TSHZ2: variants seen among roughly 807,000 people sequenced by gnomAD.
The protein encoded by TSHZ2 is teashirt zinc finger homeobox 2, also known as teashirt homolog 2.
TSHZ2 carries 21 observed loss-of-function variants against 74.4 expected under a neutral mutation model. That is an observed-to-expected ratio of 0.28 (90% CI 0.20 to 0.41). The LOEUF (loss-of-function observed/expected upper bound fraction) is 0.41. Among genes scored for constraint, TSHZ2 ranks in the 10% least tolerant of loss-of-function variants. TSHZ2 has a pLI of 1.00. For missense variants in TSHZ2, 1,244 were observed against 1,293.5 expected, an observed-to-expected ratio of 0.96 and a Z score of 0.59; for synonymous variants, 540 against 515.3, an observed-to-expected ratio of 1.05 and a Z score of -0.65.
At position 53,346,865 on chromosome 20, in the gene TSHZ2, T is replaced by G. The variant is rs73911302; in HGVS notation, c.*8+90294T>G. On this transcript the variant is annotated intron_variant, in intron 2 of 2. Coordinates refer to ENST00000371497, the MANE Select transcript of TSHZ2 (RefSeq NM_173485.6). ...GTCCTCCAATACCTGCCCCCACAGA[T>G]ACACAGAGTCTCAAAGCTATTAATA... Among the ~76,000 whole-genome samples the G allele has an allele frequency of 6.0e-4, 92 of 152,310 alleles. 1 individual carries two copies. In the Middle Eastern group the frequency reaches 0.01, roughly 17 times the overall value.
intron 2 of TSHZ2, among the ~76,000 whole-genome samples, chr20:53,408,246 G>T (rs117808984): frequency 6.6e-6 from 1 of 152,230 alleles, no homozygotes; most frequent in Non-Finnish European, 1.5e-5. Flanking sequence ...TTTGAGGAAG[G>T]GTCCTCCTTC....
At chr20:53,066,358 C>T (rs1028378068) in intron 1 of TSHZ2, among the ~76,000 whole-genome samples, 5 of 152,128 alleles carry the variant, frequency 3.3e-5, no homozygotes, top group African/African-American at 1.2e-4. Context: ...ACTGCTTCTC[C>T]TTCACTGCCC....
chr20:53,455,172 C>T (rs949103229), intron 2 of TSHZ2: 28 of 152,382 alleles, frequency 1.8e-4, no homozygotes, highest in Admixed American at 1.5e-3. Context: ...AGGACCTAGA[C>T]CAAACCCCTG....
chr20:53,160,434 G>A (rs1987902422), intron 1 of TSHZ2, among the ~76,000 whole-genome samples: 1 of 152,030 alleles, frequency 6.6e-6, no homozygotes, highest in African/African-American at 2.4e-5. Flanking sequence ...TTACAGTATT[G>A]CTGGAGCCAA....
At chr20:53,263,250 T>C (rs1304408012) in intron 2 of TSHZ2, among the ~76,000 whole-genome samples, 2 of 152,226 alleles carry the variant, frequency 1.3e-5, no homozygotes, top group African/African-American at 4.8e-5. Flanking sequence ...TGACTTGCCA[T>C]GGAATCATCT....
chr20:53,217,920 G>A (rs73911225), intron 1 of TSHZ2, among the ~76,000 whole-genome samples: 2,080 of 152,302 alleles, frequency 0.014, 59 homozygotes, highest in African/African-American at 0.047. Flanking sequence ...TCTAATTTAT[G>A]TTAGAAAGGA....
At chr20:53,142,670 A>T (rs1043951637) in intron 1 of TSHZ2, among the ~76,000 whole-genome samples, 3 of 152,188 alleles carry the variant, frequency 2.0e-5, no homozygotes, top group African/African-American at 7.2e-5. Context: ...AAAAGTTGTT[A>T]TACATTGGCA....
At chr20:53,395,780 G>A (rs553121084) in intron 2 of TSHZ2, among the ~76,000 whole-genome samples, 1 of 152,278 alleles carries the variant, frequency 6.6e-6, no homozygotes, top group South Asian at 2.1e-4. Context: ...TGGATTGTGG[G>A]AATAGGAAGG....
intron 1 of TSHZ2, among the ~76,000 whole-genome samples, chr20:53,011,295 C>T (rs1197374244): frequency 1.3e-5 from 2 of 152,248 alleles, no homozygotes; most frequent in Non-Finnish European, 2.9e-5. Context: ...CTGGGATCCT[C>T]TTTTGGTTCC....
At chr20:53,170,459 C>A (rs1694391086) in intron 1 of TSHZ2, among the ~76,000 whole-genome samples, 1 of 152,174 alleles carries the variant, frequency 6.6e-6, no homozygotes, top group South Asian at 2.1e-4. Flanking sequence ...TAAGATGAAC[C>A]AGGGTTTCTG....
chr20:53,176,574 ACTCCCT>A (rs1988342440), intron 1 of TSHZ2, among the ~76,000 whole-genome samples: 1 of 152,020 alleles, frequency 6.6e-6, no homozygotes, highest in African/African-American at 2.4e-5. Flanking sequence ...CTGGTGCAAA[ACTCCCT>A]AATTATTTCA....
chr20:53,382,365 C>T (rs1188630448), intron 2 of TSHZ2, among the ~76,000 whole-genome samples: 2 of 152,156 alleles, frequency 1.3e-5, no homozygotes, highest in Non-Finnish European at 2.9e-5. Context: ...TCTCCAAAAC[C>T]CAAAGTTCCA....
chr20:53,210,215 G>T (rs1989270480), intron 1 of TSHZ2, among the ~76,000 whole-genome samples: 6 of 152,176 alleles, frequency 3.9e-5, no homozygotes, highest in Admixed American at 2.0e-4. Context: ...TTTTAGCCCT[G>T]CCATCCACGG....
intron 1 of TSHZ2, among the ~76,000 whole-genome samples, chr20:53,036,673 T>A (rs1047333618): frequency 4.7e-4 from 40 of 84,850 alleles, no homozygotes; most frequent in African/African-American, 2.1e-3. Flanking sequence ...ATTTATAATC[T>A]GTACATAATA....
At chr20:53,042,283 T>C (rs903710978) in intron 1 of TSHZ2, among the ~76,000 whole-genome samples, 2 of 152,238 alleles carry the variant, frequency 1.3e-5, no homozygotes, top group African/African-American at 4.8e-5. Context: ...TTCATCTTTT[T>C]AGAGGGTACT....
chr20:53,056,574 C>T (rs1161834092), intron 1 of TSHZ2, among the ~76,000 whole-genome samples: 2 of 152,168 alleles, frequency 1.3e-5, no homozygotes, highest in African/African-American at 4.8e-5. Context: ...TTTCTAAAGC[C>T]TCAACTCACC....
chr20:53,343,555 T>C (rs1191030538), intron 2 of TSHZ2, among the ~76,000 whole-genome samples: 1 of 152,212 alleles, frequency 6.6e-6, no homozygotes, highest in South Asian at 2.1e-4. Flanking sequence ...GAAAACGTAA[T>C]GAGCCCAGGT....
chr20:53,448,646 G>A (rs944046386), intron 2 of TSHZ2, among the ~76,000 whole-genome samples: 1 of 152,176 alleles, frequency 6.6e-6, no homozygotes, highest in Non-Finnish European at 1.5e-5. Flanking sequence ...TGATCACGTG[G>A]TTAAGGTGGT....
At chr20:53,040,754 AC>A (rs1237444648) in intron 1 of TSHZ2, among the ~76,000 whole-genome samples, 2 of 151,952 alleles carry the variant, frequency 1.3e-5, no homozygotes, top group Non-Finnish European at 2.9e-5. Context: ...GGACCCAACG[AC>A]CCTTACCCAG....
Sources: allele counts gnomAD v4.1 joint callset (sites outside exome capture counted in the v4.1 genomes callset), GRCh38; gene constraint gnomAD v4.1.1; transcripts MANE v1.5; gene names NCBI Gene and HGNC (gene_info 2026-07-23, HGNC 2026-07-21).